The following RUVBL2 variants were observed in gnomAD, a reference collection of about 807,000 sequenced individuals.
RUVBL2 encodes the protein ruvB-like 2.
In RUVBL2, 9 loss-of-function variants were observed where a neutral mutation model predicts 57.9. That is an observed-to-expected ratio of 0.16 (90% confidence interval 0.09 to 0.27). The LOEUF is 0.27. Among genes scored for constraint, RUVBL2 ranks in the 10% least tolerant of loss-of-function variants. RUVBL2 has a pLI of 1.00. For missense variants in RUVBL2, 456 were observed against 669.6 expected (o/e 0.68, Z 3.52); for synonymous variants, 278 against 264.6 (o/e 1.05, Z -0.49).
chr19:49,010,336 C>T, intron 8 of RUVBL2, 152 bp from the exon 9 acceptor site: 1 of 800,414 alleles, frequency 1.2e-6, no homozygotes. Flanking sequence ...TCCTGACTAC[C>T]TCCTGGGCCT....
At chr19:48,995,986 CAAAAAA>C (rs562564350) in intron 1 of RUVBL2, among the ~76,000 whole-genome samples, 2 of 83,714 alleles carry the variant, frequency 2.4e-5, no homozygotes, top group African/African-American at 8.9e-5. Context: ...GGCTGTGTCT[CAAAAAA>C]AAAAAAAAAA....
At chr19:49,006,648 G>A (rs755897291) in intron 4 of RUVBL2, among the ~76,000 whole-genome samples, 7 of 152,242 alleles carry the variant, frequency 4.6e-5, no homozygotes, top group East Asian at 3.8e-4. Context: ...TGTAGCTATC[G>A]TGTGGGCTCC....
At position 49,015,410 on chromosome 19, in the gene RUVBL2, G is replaced by C. The variant is rs2039526294; in HGVS notation, c.1252-162G>C. On this transcript the variant is annotated intron_variant, in intron 13 of 14. Coordinates refer to ENST00000595090, the MANE Select transcript of RUVBL2 (RefSeq NM_006666.3). ...ATGAAGAGGCTGGGCCCACAACAAGGAGATGGCCAGGCAGGATTTGAACCC... is the reference window on the plus strand; with the variant it reads ...ATGAAGAGGCTGGGCCCACAACAAGCAGATGGCCAGGCAGGATTTGAACCC... 9.8e-6 allele frequency: 7 copies of C among 714,982 alleles called. No individual in the cohort carries two copies. In the Admixed American group the frequency reaches 1.2e-4, roughly 12 times the overall value. 44.3% of individuals were successfully genotyped at this position (714,982 alleles called of 1,614,324 possible).
chr19:49,006,796 C>G (rs926193609), intron 4 of RUVBL2, among the ~76,000 whole-genome samples: 2 of 152,262 alleles, frequency 1.3e-5, no homozygotes, highest in African/African-American at 4.8e-5. Flanking sequence ...GCCGGAGCAA[C>G]CTGCCCTGCC....
chr19:48,999,800 G>A (rs1411649167), intron 2 of RUVBL2, among the ~76,000 whole-genome samples: 21 of 152,194 alleles, frequency 1.4e-4, no homozygotes, highest in Non-Finnish European at 2.9e-5. Flanking sequence ...GCACGAGTTT[G>A]CGTCCTGTGG....
intron 11 of RUVBL2, 35 bp from the exon 12 acceptor site, chr19:49,014,449 C>G (rs558166704): frequency 6.9e-6 from 11 of 1,602,834 alleles, no homozygotes; most frequent in East Asian, 2.2e-5. Context: ...AGGGAACATG[C>G]CCCTGACAGC....
chr19:49,010,534 A>C lies in RUVBL2; in HGVS notation c.710A>C (p.Glu237Ala), dbSNP rs1600191347. 1 of 1,608,304 alleles carries C rather than the reference A, an allele frequency of 6.2e-7. No individual in the cohort carries two copies. Among genetic ancestry groups the C allele is most frequent in the Non-Finnish European group, 8.5e-7 (1 of 1,178,790 alleles). ...GATGGGGAGCTCCAGAAACGCAAGGAGGTGGTGCACACCGTGTCCCTGCAC... is the reference window on the plus strand; with the variant it reads ...GATGGGGAGCTCCAGAAACGCAAGGCGGTGGTGCACACCGTGTCCCTGCAC... ...CPDGELQKRK[E>A]VVHTVSLHEI... is the part of the protein sequence containing the mutation. Residue 237 changes from glutamate (E) to alanine (A), a missense_variant, in exon 9 of 15, where the codon GAG becomes GCG. Around this residue, in one of 5 missense-constraint regions of RUVBL2, gnomAD observed 233 missense variants for 306.0 expected, o/e 0.76. Transcript: ENST00000595090.
chr19:48,995,709 G>C (rs2039043075), intron 1 of RUVBL2, among the ~76,000 whole-genome samples: 5 of 151,878 alleles, frequency 3.3e-5, no homozygotes, highest in Admixed American at 3.3e-4. Context: ...AATTAGGCCG[G>C]GTGCGGTGGC....
At chr19:49,007,413 C>CTG in intron 6 of RUVBL2, 45 bp downstream of exon 6, 2 of 1,571,856 alleles carry the variant, frequency 1.3e-6, no homozygotes, top group Non-Finnish European at 1.7e-6. Flanking sequence ...ACCTCCAGCG[C>CTG]CAGGGTTGGA....
At chr19:48,993,663 G>C (rs751713631), upstream of RUVBL2, 20 of 599,648 alleles carry the variant, frequency 3.3e-5, no homozygotes, top group Non-Finnish European at 5.6e-5. Flanking sequence ...GCGGGGCGGT[G>C]GTGGGGCTGA....
intron 1 of RUVBL2, among the ~76,000 whole-genome samples, chr19:48,996,790 G>A (rs2122572030): frequency 6.6e-6 from 1 of 152,062 alleles, no homozygotes; most frequent in African/African-American, 2.4e-5. Flanking sequence ...ACCTCCCAAA[G>A]TGCTGGGATT....
intron 3 of RUVBL2, 31 bp from the exon 4 acceptor site, chr19:49,004,245 GA>G (rs2039240843): frequency 1.2e-6 from 2 of 1,606,416 alleles, no homozygotes; most frequent in Non-Finnish European, 1.7e-6. Context: ...AGCCCCACAG[GA>G]AATCACCTCA....
intron 12 of RUVBL2, 21 bp from the exon 13 acceptor site, chr19:49,015,000 C>T (rs1568644455): frequency 6.3e-7 from 1 of 1,583,178 alleles, no homozygotes; most frequent in East Asian, 2.3e-5. Flanking sequence ...CTGAGCCACC[C>T]CTGTCCCCCA....
In RUVBL2 at chr19:48,999,232, A is replaced by G. The variant is rs1315029044; in HGVS notation, c.13-87A>G. 1.1e-5 allele frequency: 16 copies of G among 1,413,740 alleles called. No homozygotes were observed. In the East Asian group the frequency reaches 3.4e-4, roughly 30 times the overall value. 87.6% of individuals were successfully genotyped at this position (1,413,740 alleles called of 1,614,324 possible). A position where few individuals can be genotyped will look rare whatever the true frequency, so the allele number is the denominator to read the frequency against. On this transcript the variant is annotated intron_variant, in intron 1 of 14. Transcript: ENST00000595090. ...CCTGCCTGTGAGGGGAAGGAGTGGA[A>G]AGGACCATCTCATGGGAGGGACAGA...
At chr19:49,008,448 T>C (rs1448648432) in intron 6 of RUVBL2, among the ~76,000 whole-genome samples, 2 of 149,822 alleles carry the variant, frequency 1.3e-5, no homozygotes, top group Admixed American at 1.3e-4. Flanking sequence ...CACTGTGGTC[T>C]CGATCTCCTG....
intron 1 of RUVBL2, among the ~76,000 whole-genome samples, chr19:48,996,343 A>G (rs1015925279): frequency 1.3e-5 from 2 of 151,898 alleles, no homozygotes; most frequent in Admixed American, 1.3e-4. Flanking sequence ...TTTTTTCAAG[A>G]CAGAGTCTCA....
At chr19:49,010,467 T>TCCCGCCCCC in intron 8 of RUVBL2, 21 bp from the exon 9 acceptor site, 1 of 1,401,206 alleles carries the variant, frequency 7.1e-7, no homozygotes, top group Non-Finnish European at 9.9e-7. Flanking sequence ...CCGCCGTTCT[T>TCCCGCCCCC]CCCCCACCCC....
chr19:48,999,767 T>A (rs112758658), intron 2 of RUVBL2, among the ~76,000 whole-genome samples: 4,371 of 152,244 alleles, frequency 0.029, 209 homozygotes, highest in African/African-American at 0.098. Flanking sequence ...ACAGAGCAGA[T>A]GATCAAGAGA....
At chr19:49,002,198 G>A (rs910945186) in intron 2 of RUVBL2, among the ~76,000 whole-genome samples, 3 of 152,146 alleles carry the variant, frequency 2.0e-5, no homozygotes, top group Non-Finnish European at 4.4e-5. Flanking sequence ...ACAGGTGCAT[G>A]CCACCACGCC....
Sources: gnomAD v4.1 joint callset for allele counts (sites outside exome capture counted in the v4.1 genomes callset) on GRCh38, gnomAD v4.1.1 for gene constraint, gnomAD v4.1.1 regional missense constraint, MANE v1.5 for transcripts, NCBI Gene and HGNC (gene_info 2026-07-23, HGNC 2026-07-21) for gene names.